The following F13A1 variants were observed in gnomAD, a reference collection of about 807,000 sequenced individuals.
F13A1 encodes coagulation factor XIII A chain, also known as FSF, A subunit.
F13A1 carries 47 observed loss-of-function variants against 80.1 expected under a neutral mutation model. The ratio of observed to expected loss-of-function variants is 0.59; its 90% CI spans 0.46 to 0.75. The LOEUF is 0.75. Among genes scored for constraint, F13A1 ranks in the 30% least tolerant of loss-of-function variants. The pLI, the probability that F13A1 is intolerant of heterozygous loss-of-function variation, is 0.00. For synonymous variants in F13A1, 349 were observed against 344.9 expected, an observed-to-expected ratio of 1.01 and a Z score of -0.13; for missense variants, 817 against 930.4, an observed-to-expected ratio of 0.88 and a Z score of 1.59.
At chr6:6,224,958 A>G (rs751509589) in intron 6 of F13A1, 98 bp from the exon 7 acceptor site, 62 of 1,254,304 alleles carry the variant, frequency 4.9e-5, no homozygotes, top group Non-Finnish European at 6.9e-5. Flanking sequence ...ATTGCCTTCT[A>G]TATGTTGTGC....
intron 4 of F13A1, among the ~76,000 whole-genome samples, chr6:6,261,581 C>T (rs1757782252): frequency 1.2e-5 from 1 of 83,718 alleles, no homozygotes; most frequent in Non-Finnish European, 2.9e-5. Flanking sequence ...GCTGAACAAG[C>T]CCTCCAGGTG....
rs1332625417 is a variant in F13A1, at chr6:6,305,355, G to A, written c.315C>T (p.Val105=). 2 of 1,614,180 alleles carry A rather than the reference G, an allele frequency of 1.2e-6. No individual in the cohort carries two copies. Among genetic ancestry groups the A allele is most frequent in the African/African-American group, 1.3e-5 (1 of 75,054 alleles). ...PRRDLFRVEY[V]IGRYPQENKG... is the part of the protein sequence containing the mutation. Reference sequence around the variant, plus strand: ...GAGCTTGCACATGGCACTCACCAATGACGTATTCCACCCTGAAGAGATCCC... The same window carrying A: ...GAGCTTGCACATGGCACTCACCAATAACGTATTCCACCCTGAAGAGATCCC... The change falls in exon 3 of 15, where the codon GTC becomes GTT. Residue 105 remains valine, a synonymous_variant. Transcript: ENST00000264870.
chr6:6,201,785 C>T (rs2151084003), intron 8 of F13A1, among the ~76,000 whole-genome samples: 1 of 152,294 alleles, frequency 6.6e-6, no homozygotes, highest in South Asian at 2.1e-4. Flanking sequence ...CTCAAGCCAT[C>T]CTCCTGCCCC....
chr6:6,246,103 A>T (rs1464811642), intron 6 of F13A1, among the ~76,000 whole-genome samples: 2 of 152,210 alleles, frequency 1.3e-5, no homozygotes, highest in Admixed American at 1.3e-4. Flanking sequence ...ACATCTTTTC[A>T]TACTAATAAA....
intron 4 of F13A1, among the ~76,000 whole-genome samples, chr6:6,264,825 G>A (rs1392185286): frequency 6.6e-6 from 1 of 152,138 alleles, no homozygotes; most frequent in Non-Finnish European, 1.5e-5. Context: ...AACTGCACAT[G>A]GCCCAGTTAA....
chr6:6,299,622 G>T (rs1758389137), intron 3 of F13A1, among the ~76,000 whole-genome samples: 1 of 139,474 alleles, frequency 7.2e-6, no homozygotes, highest in African/African-American at 3.1e-5. Flanking sequence ...GCACTTCTCT[G>T]TATTGGTTAT....
At chr6:6,292,572 A>C (rs867441575) in intron 3 of F13A1, among the ~76,000 whole-genome samples, 11 of 152,256 alleles carry the variant, frequency 7.2e-5, no homozygotes, top group Admixed American at 1.3e-4. Context: ...AGAATCATCC[A>C]TGTCACTCCC....
At chr6:6,160,149 C>T (rs942577670) in intron 13 of F13A1, among the ~76,000 whole-genome samples, 8 of 151,214 alleles carry the variant, frequency 5.3e-5, no homozygotes, top group South Asian at 4.2e-4. Flanking sequence ...TGGTGGTGGG[C>T]GCCTGTAATC....
chr6:6,307,638 T>C (rs2113187862), intron 2 of F13A1, among the ~76,000 whole-genome samples: 1 of 152,282 alleles, frequency 6.6e-6, no homozygotes, highest in South Asian at 2.1e-4. Flanking sequence ...GGAAGGAATA[T>C]ACTGATATTA....
intron 6 of F13A1, among the ~76,000 whole-genome samples, chr6:6,225,066 G>C (rs1443482431): frequency 6.6e-6 from 1 of 152,216 alleles, no homozygotes; most frequent in Non-Finnish European, 1.5e-5. Flanking sequence ...AAGTAACCAA[G>C]ATTGCCTGTT....
intron 10 of F13A1, among the ~76,000 whole-genome samples, chr6:6,193,422 C>G (rs551925814): frequency 1.1e-4 from 17 of 152,268 alleles, no homozygotes; most frequent in East Asian, 1.9e-4. Context: ...AGACTCGAAC[C>G]TGAGTCATAT....
rs572708131 is a variant in F13A1, at chr6:6,207,948, T to G, written c.1113-10622A>C. ...TGCTAGAGAACAGGAAATCTGATTT[T>G]AAGAATTGCCACATTATATTATTTT... On this transcript the variant is annotated intron_variant, in intron 8 of 14. Coordinates refer to ENST00000264870, the MANE Select transcript of F13A1 (RefSeq NM_000129.4). 3.1e-4 allele frequency among the ~76,000 whole-genome samples: 47 copies of G among 152,320 alleles called. No individual in the cohort carries two copies. The South Asian group carries it at 9.3e-3, about 30-fold the overall frequency.
At chr6:6,290,475 A>G (rs1049404780) in intron 3 of F13A1, among the ~76,000 whole-genome samples, 2 of 152,224 alleles carry the variant, frequency 1.3e-5, no homozygotes, top group Non-Finnish European at 2.9e-5. Flanking sequence ...TAGTGTTTAT[A>G]GTAGAACAAT....
In F13A1 at chr6:6,235,545, A is replaced by G. The variant is rs145534482; in HGVS notation, c.799-10685T>C. Among the ~76,000 whole-genome samples, 448 of 152,232 alleles carry G rather than the reference A, an allele frequency of 2.9e-3. 2 individuals carry two copies. Among genetic ancestry groups the G allele is most frequent in the African/African-American group, 1.0e-2 (414 of 41,572 alleles). On this transcript the variant is annotated intron_variant, in intron 6 of 14. Transcript: ENST00000264870. The stretch of plus-strand genomic sequence containing the variant: ...ATCACAACAAAAGATGCTCAGTATC[A>G]TCAGCCATTAAGGAAATGCAAATCA...
At chr6:6,257,215 GAT>G (rs915670286) in intron 4 of F13A1, among the ~76,000 whole-genome samples, 15 of 152,270 alleles carry the variant, frequency 9.9e-5, no homozygotes, top group East Asian at 1.9e-4. Context: ...GTGTCACCAT[GAT>G]ATGTTTTTCC....
At chr6:6,303,403 A>T (rs1758464084) in intron 3 of F13A1, among the ~76,000 whole-genome samples, 1 of 152,202 alleles carries the variant, frequency 6.6e-6, no homozygotes, top group Admixed American at 6.5e-5. Flanking sequence ...AAAAATTGAC[A>T]ATCATAATTG....
intron 8 of F13A1, among the ~76,000 whole-genome samples, chr6:6,205,663 TC>T (rs1761474134): frequency 6.6e-6 from 1 of 152,236 alleles, no homozygotes; most frequent in Non-Finnish European, 1.5e-5. Context: ...TATCCAGCTT[TC>T]TTTTTTTCTT....
rs188663808 is a variant in F13A1 at position 6,320,038 on chromosome 6, G to C, written c.-19+549C>G. Among the ~76,000 whole-genome samples, 274 of 152,318 alleles carry C rather than the reference G, an allele frequency of 1.8e-3. 1 individual carries two copies. Among genetic ancestry groups the C allele is most frequent in the African/African-American group, 4.9e-3 (202 of 41,570 alleles). On this transcript the variant is annotated intron_variant, in intron 1 of 14. Coordinates refer to ENST00000264870, the MANE Select transcript of F13A1 (RefSeq NM_000129.4). ...GAGACACAGTGCTAAGGGGGAGAAG[G>C]GGGGAGCCCCAGGTGCACGCCTGGC...
intron 6 of F13A1, among the ~76,000 whole-genome samples, chr6:6,231,399 G>T (rs1049943144): frequency 6.6e-6 from 1 of 151,992 alleles, no homozygotes; most frequent in Non-Finnish European, 1.5e-5. Context: ...AAGAAAATAT[G>T]AACAAAGCCA....
Sources: allele counts gnomAD v4.1 joint callset (sites outside exome capture counted in the v4.1 genomes callset), GRCh38; gene constraint gnomAD v4.1.1; transcripts MANE v1.5; gene names NCBI Gene and HGNC (gene_info 2026-07-23, HGNC 2026-07-21).